Variants in LTBP1 observed in about 807,000 individuals in gnomAD.
LTBP1 encodes the protein latent-transforming growth factor beta-binding protein 1.
A neutral mutation model predicts 207.6 loss-of-function variants in LTBP1; 129 were observed. The ratio of observed to expected loss-of-function variants is 0.62; its 90% CI spans 0.54 to 0.72. The LOEUF (loss-of-function observed/expected upper bound fraction) is 0.72. LTBP1 is among the 30% of genes least tolerant of loss of function. The probability of loss-of-function intolerance (pLI) is 0.00; values close to 1 mark genes in which losing one functional copy is unlikely to be tolerated. For missense variants in LTBP1, 2,281 were observed against 2,217.2 expected (o/e 1.03, Z -0.58); for synonymous variants, 963 against 833.7 (o/e 1.16, Z -2.67).
chr2:33,073,520 T>G lies in LTBP1; in HGVS notation c.864-37062T>G, dbSNP rs538117078. Among the ~76,000 whole-genome samples, 5 of 152,334 alleles carry G rather than the reference T, an allele frequency of 3.3e-5. No homozygotes were observed. In the South Asian group the frequency reaches 1.0e-3, roughly 32 times the overall value. On this transcript the variant is annotated intron_variant, in intron 3 of 33. Transcript: ENST00000404816. Reference sequence around the variant, plus strand: ...TTTGAAGAAACCTATCATACATTTATTTTTCTTAGTTTTTCTTTCTTCTTC... The same window carrying G: ...TTTGAAGAAACCTATCATACATTTAGTTTTCTTAGTTTTTCTTTCTTCTTC...
intron 3 of LTBP1, among the ~76,000 whole-genome samples, chr2:33,032,268 T>G (rs921105586): frequency 2.0e-5 from 3 of 152,238 alleles, no homozygotes; most frequent in African/African-American, 7.2e-5. Flanking sequence ...AAAACCAGAT[T>G]TGATTTCCTT....
rs1236593518 is a variant in LTBP1, at chr2:33,010,752, G to C, written c.566-10157G>C. The stretch of plus-strand genomic sequence containing the variant: ...TTTTTTTTTTTTGAGATGGAGTCTT[G>C]CTCTGTCACCAAGCTGGAGTGCAGT... On this transcript the variant is annotated intron_variant, in intron 2 of 33. Transcript: ENST00000404816. 3.1e-5 allele frequency among the ~76,000 whole-genome samples: 4 copies of C among 130,534 alleles called. No individual in the cohort carries two copies. The East Asian group carries it at 6.5e-4, about 21-fold the overall frequency. The allele number at this position is 130,534 out of a possible 152,430, so 85.6% of individuals were successfully genotyped here.
intron 2 of LTBP1, among the ~76,000 whole-genome samples, chr2:33,003,686 G>T (rs2149000556): frequency 6.6e-6 from 1 of 152,236 alleles, no homozygotes; most frequent in South Asian, 2.1e-4. Context: ...TGTAGCTCTG[G>T]GCATCCATTT....
Position 33,257,436 on chromosome 2 carries a change from C to G in LTBP1, c.2320C>G (p.Leu774Val), listed in dbSNP as rs2092894270. 3.1e-6 allele frequency: 5 copies of G among 1,614,116 alleles called. No homozygotes were observed. The highest frequency in any genetic ancestry group is 3.4e-6 in the Non-Finnish European group (4 of 1,180,044). ...TGCTAAAAGTACTCATCCTCCACCT[C>G]TCCCAGCCAAGGAAGAGCCAGTGGA... is the stretch of plus-strand genomic sequence containing the variant. The part of the protein sequence containing the change: ...PVAKSTHPPP[L>V]PAKEEPVEAL... The change falls in exon 12 of 34, where the codon CTC becomes GTC. Residue 774 changes from leucine (L) to valine (V), a missense_variant. Leu to Val is a conservative substitution (Grantham distance 32). Transcript: ENST00000404816.
At chr2:33,080,839 T>TAC (rs1480063460) in intron 3 of LTBP1, among the ~76,000 whole-genome samples, 1 of 152,212 alleles carries the variant, frequency 6.6e-6, no homozygotes, top group Non-Finnish European at 1.5e-5. Flanking sequence ...CATGCGTATA[T>TAC]ACACACACAT....
intron 3 of LTBP1, among the ~76,000 whole-genome samples, chr2:33,091,232 C>T (rs2079072056): frequency 1.3e-5 from 2 of 152,102 alleles, no homozygotes; most frequent in African/African-American, 2.4e-5. Context: ...TGTGTCATCT[C>T]CTCCCATGGA....
At chr2:33,041,756 C>T (rs890319288) in intron 3 of LTBP1, among the ~76,000 whole-genome samples, 1 of 152,186 alleles carries the variant, frequency 6.6e-6, no homozygotes, top group Non-Finnish European at 1.5e-5. Flanking sequence ...AAATAACCCA[C>T]AGTTTACTGG....
chr2:32,948,878 C>G lies in LTBP1; in HGVS notation c.498C>G (p.Val166=), dbSNP rs267599357. 5.0e-6 allele frequency: 8 copies of G among 1,613,950 alleles called. No homozygotes were observed. Among genetic ancestry groups the G allele is most frequent in the Non-Finnish European group, 5.9e-6 (7 of 1,179,986 alleles). ...CAGCGATCTTGCTTTGTTTCAGGGT[C>G]AATGTCTGTGGAGGGCGGTGCTGTC... ...QVHQKQQLQG[V]NVCGGRCCHG... Residue 166 remains valine (V), a synonymous_variant, in exon 2 of 34, where the codon GTC becomes GTG. Coordinates refer to ENST00000404816, the MANE Select transcript of LTBP1 (RefSeq NM_206943.4).
intron 9 of LTBP1, among the ~76,000 whole-genome samples, chr2:33,238,998 A>G: frequency 6.6e-6 from 1 of 152,190 alleles, no homozygotes; most frequent in East Asian, 1.9e-4. Context: ...CCTGGTTAAT[A>G]AAAGCCCAGC....
intron 19 of LTBP1, among the ~76,000 whole-genome samples, chr2:33,284,157 T>C (rs2093617811): frequency 6.6e-6 from 1 of 152,244 alleles, no homozygotes; most frequent in Non-Finnish European, 1.5e-5. Flanking sequence ...TCATGACATG[T>C]AAGCTGGATC....
At chr2:33,206,950 G>A (rs2089931603) in intron 7 of LTBP1, among the ~76,000 whole-genome samples, 1 of 152,036 alleles carries the variant, frequency 6.6e-6, no homozygotes, top group South Asian at 2.1e-4. Flanking sequence ...TTTATCACAT[G>A]ATTTGTGTTG....
chr2:33,279,768 C>T (rs2093520781), intron 18 of LTBP1, among the ~76,000 whole-genome samples: 1 of 152,194 alleles, frequency 6.6e-6, no homozygotes, highest in Non-Finnish European at 1.5e-5. Flanking sequence ...GAGCTGCCAA[C>T]TCCCAGAGTG....
intron 2 of LTBP1, among the ~76,000 whole-genome samples, chr2:32,951,543 A>G (rs1206851177): frequency 2.0e-5 from 3 of 152,184 alleles, no homozygotes; most frequent in Non-Finnish European, 4.4e-5. Context: ...TGATGCCAGG[A>G]AAGACCCCCG....
chr2:33,033,812 A>G lies in LTBP1; in HGVS notation c.863+12606A>G, dbSNP rs902366211. ...TATTTTTTATTGTCTGCTTTATAGTAGTTCCCAGACAAAACTTGAAAAAAC... is the reference window on the plus strand; with the variant it reads ...TATTTTTTATTGTCTGCTTTATAGTGGTTCCCAGACAAAACTTGAAAAAAC... On this transcript the variant is annotated intron_variant, in intron 3 of 33. Coordinates refer to ENST00000404816, the MANE Select transcript of LTBP1 (RefSeq NM_206943.4). Among the ~76,000 whole-genome samples the G allele has an allele frequency of 2.6e-5, 4 of 152,304 alleles. No homozygotes were observed. In the East Asian group the frequency reaches 5.8e-4, roughly 22 times the overall value.
At chr2:32,981,084 G>A (rs1572925187) in intron 2 of LTBP1, among the ~76,000 whole-genome samples, 1 of 152,038 alleles carries the variant, frequency 6.6e-6, no homozygotes, top group African/African-American at 2.4e-5. Context: ...TTGGTGTTCT[G>A]TAACCTTCTT....
chr2:33,254,030 C>G (rs1054705497), intron 11 of LTBP1, among the ~76,000 whole-genome samples: 1 of 151,798 alleles, frequency 6.6e-6, no homozygotes, highest in African/African-American at 2.4e-5. Flanking sequence ...GCTGGGACTA[C>G]AGGCACCCAC....
chr2:33,396,138 A>G (rs150419588), intron 32 of LTBP1, among the ~76,000 whole-genome samples: 1 of 151,164 alleles, frequency 6.6e-6, no homozygotes, highest in East Asian at 1.9e-4. Context: ...GCCAAACAAG[A>G]GTTTCTTTGT....
intron 31 of LTBP1, among the ~76,000 whole-genome samples, chr2:33,378,275 G>A (rs2095169581): frequency 6.6e-6 from 1 of 151,150 alleles, no homozygotes; most frequent in African/African-American, 2.4e-5. Context: ...GCCCAGGCTG[G>A]AGTGCACTGG....
At chr2:32,999,719 G>A (rs1393545882) in intron 2 of LTBP1, among the ~76,000 whole-genome samples, 2 of 133,414 alleles carry the variant, frequency 1.5e-5, no homozygotes, top group African/African-American at 5.2e-5. Flanking sequence ...GTGAAACCTG[G>A]TCTCTACTAA....
Sources: gnomAD v4.1 joint callset for allele counts (sites outside exome capture counted in the v4.1 genomes callset) on GRCh38, gnomAD v4.1.1 for gene constraint, MANE v1.5 for transcripts, NCBI Gene and HGNC (gene_info 2026-07-23, HGNC 2026-07-21) for gene names.